HEXB: variants seen among roughly 807,000 people sequenced by gnomAD.
HEXB encodes the protein hexosaminidase subunit beta.
In HEXB, 51 loss-of-function variants were observed where a neutral mutation model predicts 71.2. The observed-to-expected ratio is 0.72, with a 90% CI of 0.57 to 0.90. HEXB has a LOEUF of 0.90. HEXB is among the 40% of genes least tolerant of loss of function. The probability of loss-of-function intolerance (pLI) is 0.00; values close to 1 mark genes in which losing one functional copy is unlikely to be tolerated. For synonymous variants in HEXB, 266 were observed against 249.3 expected (o/e 1.07, Z -0.63); for missense variants, 617 against 677.0 (o/e 0.91, Z 0.98).
chr5:74,662,378 T>C (rs1309136372), intron 1 of HEXB, among the ~76,000 whole-genome samples: 3 of 152,244 alleles, frequency 2.0e-5, no homozygotes, highest in Non-Finnish European at 4.4e-5. Context: ...TGAGTTACTC[T>C]GTGAGTGTCA....
At chr5:74,661,561 GTGTC>G (rs1458401998) in intron 1 of HEXB, among the ~76,000 whole-genome samples, 45 of 138,154 alleles carry the variant, frequency 3.3e-4, no homozygotes, top group Non-Finnish European at 5.1e-4. Context: ...GTGTGTGTGT[GTGTC>G]TCTCTCTCTC....
intron 1 of HEXB, among the ~76,000 whole-genome samples, chr5:74,645,095 G>T (rs1470445565): frequency 6.6e-6 from 1 of 152,050 alleles, no homozygotes; most frequent in Non-Finnish European, 1.5e-5. Context: ...TCTTAAGATT[G>T]CATCCGAATT....
In HEXB at chr5:74,720,762, A is replaced by C; in HGVS notation, c.1613+15A>C. 1 of 1,586,738 alleles carries C rather than the reference A, an allele frequency of 6.3e-7. No homozygotes were observed. The highest frequency in any genetic ancestry group is 2.2e-5 in the East Asian group (1 of 44,724). ...AGGATGGTCGAGTAAGAAATCTATT[A>C]AGTCCAGTGTGATTTTTAACCTTCT... On this transcript the variant is annotated intron_variant, in intron 13 of 13. Coordinates refer to ENST00000261416, the MANE Select transcript of HEXB (RefSeq NM_000521.4).
chr5:74,709,715 T>A lies in HEXB; in HGVS notation c.772-3791T>A, dbSNP rs184093271. 2.8e-4 allele frequency among the ~76,000 whole-genome samples: 43 copies of A among 152,284 alleles called. No homozygotes were observed. The East Asian group carries it at 7.9e-3, about 28-fold the overall frequency. On this transcript the variant is annotated intron_variant, in intron 6 of 13. Coordinates refer to ENST00000261416, the MANE Select transcript of HEXB (RefSeq NM_000521.4). ...AGAAATGGATAAATTCCTCCACACA[T>A]ATACTCTCCCAAGACTAAACCAGGA... is the stretch of plus-strand genomic sequence containing the variant.
intron 1 of HEXB, among the ~76,000 whole-genome samples, chr5:74,678,125 C>T (rs754142090): frequency 2.0e-5 from 3 of 151,848 alleles, no homozygotes; most frequent in Non-Finnish European, 4.4e-5. Flanking sequence ...GGTGAAACCC[C>T]GTCTTTACTA....
intron 5 of HEXB, among the ~76,000 whole-genome samples, chr5:74,697,555 A>G (rs755832977): frequency 4.9e-4 from 75 of 151,988 alleles, no homozygotes; most frequent in Non-Finnish European, 7.4e-4. Context: ...GCCAAACCCC[A>G]TCTCTACTAA....
chr5:74,714,735 A>G (rs1177625298), intron 7 of HEXB, among the ~76,000 whole-genome samples: 10 of 152,234 alleles, frequency 6.6e-5, no homozygotes. Flanking sequence ...TAAATAATGT[A>G]AAGCACATAG....
intron 7 of HEXB, among the ~76,000 whole-genome samples, chr5:74,714,589 C>G (rs1317486779): frequency 2.0e-5 from 3 of 152,168 alleles, no homozygotes; most frequent in African/African-American, 7.2e-5. Context: ...GCTTTGGAGC[C>G]AGACAGCTTG....
intron 1 of HEXB, among the ~76,000 whole-genome samples, chr5:74,649,910 T>C (rs571049910): frequency 6.6e-6 from 1 of 152,366 alleles, no homozygotes; most frequent in Admixed American, 6.5e-5. Context: ...AATGAAGCAC[T>C]GTTTCCCCAA....
intron 3 of HEXB, among the ~76,000 whole-genome samples, chr5:74,695,944 A>C (rs927333540): frequency 6.6e-5 from 10 of 152,174 alleles, no homozygotes; most frequent in African/African-American, 2.4e-4. Flanking sequence ...TTTCAGAGTA[A>C]TGTACTCTAA....
chr5:74,695,814 C>A lies in HEXB; in HGVS notation c.512-879C>A, dbSNP rs532057462. Among the ~76,000 whole-genome samples the A allele has an allele frequency of 1.4e-3, 206 of 145,690 alleles. 1 individual carries two copies. Among genetic ancestry groups the A allele is most frequent in the African/African-American group, 4.9e-3 (195 of 39,624 alleles). On this transcript the variant is annotated intron_variant, in intron 3 of 13. Transcript: ENST00000261416. ...CGAGATCGCGCCACTGCACTCCGTC[C>A]TGGGTGACAGAGCAAGACTCCGTCT...
chr5:74,695,436 C>G (rs552954567), intron 3 of HEXB, among the ~76,000 whole-genome samples: 262 of 151,212 alleles, frequency 1.7e-3, no homozygotes, highest in African/African-American at 6.1e-3. Flanking sequence ...ATCTCCTGAC[C>G]TCGTGATCCA....
At chr5:74,691,427 T>C (rs572906954) in intron 2 of HEXB, among the ~76,000 whole-genome samples, 2 of 152,332 alleles carry the variant, frequency 1.3e-5, no homozygotes, top group East Asian at 3.9e-4. Context: ...TGTCCATCAA[T>C]AGAGGAATGG....
At chr5:74,693,327 A>G in intron 2 of HEXB, 1 of 438,112 alleles carries the variant, frequency 2.3e-6, no homozygotes, top group Admixed American at 3.5e-5. Context: ...CATGGAGTTG[A>G]CACCCAAATT....
In HEXB at chr5:74,715,729, A is replaced by G. The variant is rs553650333; in HGVS notation, c.1082+39A>G. The G allele has an allele frequency of 2.1e-4, 306 of 1,424,280 alleles. 2 individuals carry two copies. Among genetic ancestry groups the G allele is most frequent in the South Asian group, 1.8e-3 (159 of 86,390 alleles). The allele number at this position is 1,424,280 out of a possible 1,614,324, so 88.2% of individuals were successfully genotyped here. A position where few individuals can be genotyped will look rare whatever the true frequency, so the allele number is the denominator to read the frequency against. On this transcript the variant is annotated intron_variant, in intron 8 of 13. Coordinates refer to ENST00000261416, the MANE Select transcript of HEXB (RefSeq NM_000521.4). ...TTAAAACCCCTTTAAAAAAAAAAAAAAGAGAGGCTGGGTGCGGTGGCTCAC... is the reference window on the plus strand; with the variant it reads ...TTAAAACCCCTTTAAAAAAAAAAAAGAGAGAGGCTGGGTGCGGTGGCTCAC...
At chr5:74,685,641 C>T in intron 1 of HEXB, 82 bp downstream of exon 1, 1 of 1,286,516 alleles carries the variant, frequency 7.8e-7, no homozygotes, top group Non-Finnish European at 1.1e-6. Flanking sequence ...AGACCCTCAC[C>T]ACCCCACTGC....
At chr5:74,707,859 C>T (rs1188856712) in intron 6 of HEXB, among the ~76,000 whole-genome samples, 3 of 151,124 alleles carry the variant, frequency 2.0e-5, no homozygotes, top group Admixed American at 2.0e-4. Flanking sequence ...GAACCAAGTC[C>T]TACTCTGCAG....
intron 1 of HEXB, among the ~76,000 whole-genome samples, chr5:74,661,596 A>G (rs1398172238): frequency 7.3e-6 from 1 of 136,468 alleles, no homozygotes; most frequent in Non-Finnish European, 1.5e-5. Context: ...TCATCTTGCC[A>G]ATGTTGCCTA....
chr5:74,708,626 T>G (rs1094145), intron 6 of HEXB, among the ~76,000 whole-genome samples: 130,960 of 151,846 alleles, frequency 0.86, 56,777 homozygotes, highest in Non-Finnish European at 0.9. Context: ...ACAAAAAAAG[T>G]CAGGGGTTGC....
Sources: gnomAD v4.1 joint callset for allele counts (sites outside exome capture counted in the v4.1 genomes callset) on GRCh38, gnomAD v4.1.1 for gene constraint, MANE v1.5 for transcripts, NCBI Gene and HGNC (gene_info 2026-07-23, HGNC 2026-07-21) for gene names.